Variants in CHCHD6 observed in about 807,000 individuals in gnomAD.
CHCHD6 encodes the protein MICOS complex subunit MIC25.
CHCHD6 carries 28 observed loss-of-function variants against 32.3 expected under a neutral mutation model. That is an observed-to-expected ratio of 0.87 (90% CI 0.64 to 1.19). The LOEUF (loss-of-function observed/expected upper bound fraction) is 1.19, where lower values mean the gene tolerates loss of function less well. Among genes scored for constraint, CHCHD6 ranks in the 50% most tolerant of loss-of-function variants. CHCHD6 has a pLI of 0.00. For synonymous variants in CHCHD6, 122 were observed against 117.5 expected (o/e 1.04, Z -0.25); for missense variants, 333 against 307.0 (o/e 1.08, Z -0.63).
At chr3:126,819,564 G>A (rs1194296730) in intron 4 of CHCHD6, among the ~76,000 whole-genome samples, 1 of 152,212 alleles carries the variant, frequency 6.6e-6, no homozygotes, top group Non-Finnish European at 1.5e-5. Context: ...GACTGCCATG[G>A]AGGTATGGAA....
intron 4 of CHCHD6, among the ~76,000 whole-genome samples, chr3:126,852,264 G>A (rs938451422): frequency 6.6e-6 from 1 of 152,190 alleles, no homozygotes; most frequent in African/African-American, 2.4e-5. Flanking sequence ...CTGAATAGCT[G>A]TGAGCTTTCA....
Position 126,953,095 on chromosome 3 carries a change from CT to C in CHCHD6, c.567-4320del, listed in dbSNP as rs2078738104. 4.1e-6 allele frequency: 4 copies of C among 985,576 alleles called. No homozygotes were observed. In the South Asian group the frequency reaches 1.9e-4, roughly 46 times the overall value. The allele number at this position is 985,576 out of a possible 1,614,324, so 61.1% of individuals were successfully genotyped here. A position where few individuals can be genotyped will look rare whatever the true frequency, so the allele number is the denominator to read the frequency against. ...CATCACCTGCCATTCTCCTGCCATCCTCTCAACAGCTCTGTGGGGTGGGGTC... is the reference window on the plus strand; with the variant it reads ...CATCACCTGCCATTCTCCTGCCATCCCTCAACAGCTCTGTGGGGTGGGGTC... On this transcript the variant is annotated intron_variant, in intron 6 of 7. Coordinates refer to ENST00000290913, the MANE Select transcript of CHCHD6 (RefSeq NM_032343.3).
intron 1 of CHCHD6, among the ~76,000 whole-genome samples, chr3:126,718,373 T>C (rs1459746370): frequency 1.3e-5 from 2 of 149,722 alleles, no homozygotes; most frequent in East Asian, 2.0e-4. Context: ...TTGTGTAGAT[T>C]GCTTCATTTA....
chr3:126,813,676 C>T (rs1939756273), intron 4 of CHCHD6, among the ~76,000 whole-genome samples: 1 of 152,200 alleles, frequency 6.6e-6, no homozygotes, highest in Admixed American at 6.5e-5. Context: ...CTCTCATGAC[C>T]TATCTAGGGC....
rs1014966638 is a variant in CHCHD6, at chr3:126,865,605, A to G, written c.495+12875A>G. The G allele has an allele frequency of 4.1e-6, 4 of 984,726 alleles. No homozygotes were observed. The African/African-American group carries it at 5.3e-5, about 13-fold the overall frequency. 61.0% of individuals were successfully genotyped at this position (984,726 alleles called of 1,614,324 possible). A position where few individuals can be genotyped will look rare whatever the true frequency, so the allele number is the denominator to read the frequency against. On this transcript the variant is annotated intron_variant, in intron 5 of 7. Transcript: ENST00000290913. ...CTTCCTCTACCACCTCCACACCTTC[A>G]CTGCTACCACCATTTTGATTGCTGC...
chr3:126,796,656 C>T (rs953521752), intron 4 of CHCHD6, among the ~76,000 whole-genome samples: 8 of 152,156 alleles, frequency 5.3e-5, no homozygotes, highest in Non-Finnish European at 1.2e-4. Context: ...CAGCATTGTG[C>T]TCCTGGGGTT....
intron 5 of CHCHD6, among the ~76,000 whole-genome samples, chr3:126,873,432 G>A (rs1276614001): frequency 6.6e-6 from 1 of 152,214 alleles, no homozygotes; most frequent in Non-Finnish European, 1.5e-5. Flanking sequence ...AGTAAGAGCT[G>A]AGGAGGGAAG....
At position 126,730,590 on chromosome 3, in the gene CHCHD6, G is replaced by C. The variant is rs1221547543; in HGVS notation, c.226G>C (p.Gly76Arg). 1 of 1,613,744 alleles carries C rather than the reference G, an allele frequency of 6.2e-7. No homozygotes were observed. The highest frequency in any genetic ancestry group is 1.3e-5 in the African/African-American group (1 of 74,912). Residue 76 changes from glycine (G) to arginine (R), a missense_variant, in exon 3 of 8, where the codon GGT becomes CGT. By Grantham distance (125) the Gly-to-Arg change is moderately radical (BLOSUM62 -2). Transcript: ENST00000290913. ...CACACTGCCCAGGTCGGGGAGCAGT[G>C]GTGGCCAGCAGCCCTCAGGGATGAA... ...ESTLPRSGSS[G>R]GQQPSGMKEG...
intron 4 of CHCHD6, among the ~76,000 whole-genome samples, chr3:126,828,259 C>T (rs1292572270): frequency 6.6e-6 from 1 of 152,198 alleles, no homozygotes; most frequent in African/African-American, 2.4e-5. Context: ...ACCAGTGGTG[C>T]ACTTCACATC....
At chr3:126,958,876 C>T (rs538282944) in intron 7 of CHCHD6, among the ~76,000 whole-genome samples, 1 of 152,318 alleles carries the variant, frequency 6.6e-6, no homozygotes, top group East Asian at 1.9e-4. Flanking sequence ...ACTTAGCTCC[C>T]TACTCACCAG....
chr3:126,894,167 G>A (rs947291078), intron 5 of CHCHD6, among the ~76,000 whole-genome samples: 6 of 152,224 alleles, frequency 3.9e-5, no homozygotes, highest in Non-Finnish European at 7.3e-5. Flanking sequence ...CACACCCAAT[G>A]TCCCCACCCT....
chr3:126,901,305 C>T (rs1435053448), intron 5 of CHCHD6, among the ~76,000 whole-genome samples: 3 of 152,204 alleles, frequency 2.0e-5, no homozygotes, highest in Non-Finnish European at 2.9e-5. Context: ...TGACGGGAGG[C>T]GCTGTCTGTG....
intron 6 of CHCHD6, among the ~76,000 whole-genome samples, chr3:126,936,727 TTTG>T (rs1324171689): frequency 6.6e-6 from 1 of 152,100 alleles, no homozygotes; most frequent in African/African-American, 2.4e-5. Context: ...AGCTAATTTT[TTTG>T]TATTTTACTA....
chr3:126,907,775 G>A (rs1264271954), intron 5 of CHCHD6, among the ~76,000 whole-genome samples: 5 of 152,170 alleles, frequency 3.3e-5, no homozygotes, highest in Non-Finnish European at 5.9e-5. Flanking sequence ...ATTTTGCTGG[G>A]AATCTCTCCC....
intron 1 of CHCHD6, among the ~76,000 whole-genome samples, chr3:126,712,709 A>G (rs918416995): frequency 1.3e-5 from 2 of 152,094 alleles, no homozygotes; most frequent in Non-Finnish European, 2.9e-5. Flanking sequence ...TGAGCCTGCT[A>G]TCCCTTCTGT....
chr3:126,960,078 G>A, intron 7 of CHCHD6, 118 bp from the exon 8 acceptor site: 1 of 1,240,154 alleles, frequency 8.1e-7, no homozygotes, highest in Non-Finnish European at 1.2e-6. Flanking sequence ...AGGTGAGGAG[G>A]GAGACCAACT....
At chr3:126,805,203 C>A (rs1939303182) in intron 4 of CHCHD6, among the ~76,000 whole-genome samples, 2 of 152,202 alleles carry the variant, frequency 1.3e-5, no homozygotes, top group African/African-American at 2.4e-5. Context: ...CTGGCCAGGG[C>A]AATTAGGCAA....
intron 5 of CHCHD6, among the ~76,000 whole-genome samples, chr3:126,900,305 C>T (rs1454206424): frequency 2.0e-5 from 3 of 152,290 alleles, no homozygotes; most frequent in East Asian, 3.9e-4. Context: ...AAGGGGGTGA[C>T]ACCTACCTTT....
At chr3:126,790,536 T>G (rs1473566263) in intron 4 of CHCHD6, among the ~76,000 whole-genome samples, 1 of 152,218 alleles carries the variant, frequency 6.6e-6, no homozygotes, top group Non-Finnish European at 1.5e-5. Context: ...TTACTCTTTT[T>G]TCTTTAAACT....
Sources: gnomAD v4.1 joint callset for allele counts (sites outside exome capture counted in the v4.1 genomes callset) on GRCh38, gnomAD v4.1.1 for gene constraint, MANE v1.5 for transcripts, NCBI Gene and HGNC (gene_info 2026-07-23, HGNC 2026-07-21) for gene names.